TUBGCP4: variants seen among roughly 807,000 people sequenced by gnomAD.
TUBGCP4 encodes tubulin gamma complex component 4.
A neutral mutation model predicts 91.6 loss-of-function variants in TUBGCP4; 54 were observed. The observed-to-expected ratio is 0.59, with a 90% CI of 0.47 to 0.74. The LOEUF is 0.74. Ranked by LOEUF, TUBGCP4 falls within the 30% of genes least tolerant of loss-of-function variation. The pLI, the probability that TUBGCP4 is intolerant of heterozygous loss-of-function variation, is 0.00. For synonymous variants in TUBGCP4, 297 were observed against 302.8 expected (o/e 0.98, Z 0.20); for missense variants, 593 against 800.9 (o/e 0.74, Z 3.13).
chr15:43,409,729 A>C lies in TUBGCP4; in HGVS notation c.*4515A>C. The C allele has an allele frequency of 6.5e-7, 1 of 1,529,866 alleles. No homozygotes were observed. The allele number at this position is 1,529,866 out of a possible 1,614,324, so 94.8% of individuals were successfully genotyped here. A position where few individuals can be genotyped will look rare whatever the true frequency, so the allele number is the denominator to read the frequency against. On this transcript the variant is annotated 3_prime_UTR_variant, in exon 18 of 18. Coordinates refer to ENST00000564079, the MANE Select transcript of TUBGCP4 (RefSeq NM_014444.5). ...TGTATACTGCTTGTTGAAAGGAGGAATTTCCAAAAATTCTATATTAAAAAA... is the reference window on the plus strand; with the variant it reads ...TGTATACTGCTTGTTGAAAGGAGGACTTTCCAAAAATTCTATATTAAAAAA...
Position 43,407,394 on chromosome 15 carries a change from C to T in TUBGCP4, c.*2180C>T, listed in dbSNP as rs545814609. ...AAGACCAAGTATCTTTAGTGAGAAA[C>T]ATAATCGTGTTTATATTTTGGATGC... On this transcript the variant is annotated 3_prime_UTR_variant, in exon 18 of 18. Transcript: ENST00000564079. The T allele has an allele frequency of 1.2e-6, 2 of 1,614,034 alleles. No homozygotes were observed. The highest frequency in any genetic ancestry group is 3.3e-5 in the Admixed American group (2 of 60,016).
At chr15:43,387,574 G>A (rs550875464) in intron 9 of TUBGCP4, among the ~76,000 whole-genome samples, 10 of 151,558 alleles carry the variant, frequency 6.6e-5, no homozygotes, top group African/African-American at 1.9e-4. Context: ...CGATTCTCCC[G>A]CCTCAGCCTC....
intron 13 of TUBGCP4, chr15:43,399,222 CT>C: frequency 9.1e-7 from 1 of 1,100,694 alleles, no homozygotes; most frequent in Non-Finnish European, 1.2e-6. Context: ...TCCCGTGTGT[CT>C]TTTAAGTATG....
Position 43,380,096 on chromosome 15 carries a change from C to A in TUBGCP4, c.454C>A (p.Gln152Lys). Reference sequence around the variant, plus strand: ...GTATTTTCCACAGATTCATGGTTGTCAAATCCTGGAAACAGTCTACAAACA... The same window carrying A: ...GTATTTTCCACAGATTCATGGTTGTAAAATCCTGGAAACAGTCTACAAACA... Reference protein sequence around the residue: ...QIKSQKIHGCQILETVYKHSC... With the variant: ...QIKSQKIHGCKILETVYKHSC... Residue 152 changes from glutamine to lysine, a missense_variant, in exon 6 of 18, where the codon CAA becomes AAA. Physicochemically the swap from Gln to Lys is moderately conservative, Grantham distance 53. Transcript: ENST00000564079. 6.2e-7 allele frequency: 1 copy of A among 1,614,076 alleles called. No individual in the cohort carries two copies. Among genetic ancestry groups the A allele is most frequent in the South Asian group, 1.1e-5 (1 of 91,060 alleles).
rs892322762 is a variant in TUBGCP4, at chr15:43,406,598, C to G, written c.*1384C>G. 2.2e-6 allele frequency: 1 copy of G among 455,948 alleles called. No individual in the cohort carries two copies. The highest frequency in any genetic ancestry group is 1.5e-5 in the South Asian group (1 of 64,552). The allele number at this position is 455,948 out of a possible 1,614,324, so 28.2% of individuals were successfully genotyped here. ...GAAATATTTACTCTTTGACCCTTTA[C>G]AGAAAAAAACCTTGTTGACCCCTGC... On this transcript the variant is annotated 3_prime_UTR_variant, in exon 18 of 18. Coordinates refer to ENST00000564079, the MANE Select transcript of TUBGCP4 (RefSeq NM_014444.5).
chr15:43,395,242 G>A (rs975962389), intron 10 of TUBGCP4, 85 bp downstream of exon 10: 1 of 1,484,314 alleles, frequency 6.7e-7, no homozygotes, highest in Non-Finnish European at 9.4e-7. Context: ...AGCACTGGTT[G>A]CCTATACCCA....
intron 9 of TUBGCP4, chr15:43,391,489 C>T (rs1595490759): frequency 6.6e-6 from 1 of 152,330 alleles, no homozygotes; most frequent in African/African-American, 2.4e-5. Flanking sequence ...ATGTGAGCCA[C>T]AACACCTCAG....
In TUBGCP4 at chr15:43,408,110, A is replaced by C; in HGVS notation, c.*2896A>C. Reference sequence around the variant, plus strand: ...TTGCCTATGAAGGAGACAGGAAAGGACCTTAGCATGACAAGTAATATCCAA... The same window carrying C: ...TTGCCTATGAAGGAGACAGGAAAGGCCCTTAGCATGACAAGTAATATCCAA... On this transcript the variant is annotated 3_prime_UTR_variant, in exon 18 of 18. Transcript: ENST00000564079. 1 of 1,610,198 alleles carries C rather than the reference A, an allele frequency of 6.2e-7. No individual in the cohort carries two copies. The highest frequency in any genetic ancestry group is 8.5e-7 in the Non-Finnish European group (1 of 1,178,124).
intron 9 of TUBGCP4, among the ~76,000 whole-genome samples, chr15:43,393,619 C>T (rs1165570264): frequency 1.3e-5 from 2 of 151,986 alleles, no homozygotes; most frequent in Non-Finnish European, 2.9e-5. Context: ...ACAACAGTCC[C>T]CGGTGTGTGA....
At chr15:43,376,451 T>C (rs1330766708) in intron 2 of TUBGCP4, 52 bp from the exon 3 acceptor site, 1 of 1,614,156 alleles carries the variant, frequency 6.2e-7, no homozygotes, top group South Asian at 1.1e-5. Context: ...AATGTCTTTC[T>C]CAGGTTTCAG....
chr15:43,392,315 A>G (rs2044488175), intron 9 of TUBGCP4, among the ~76,000 whole-genome samples: 2 of 151,524 alleles, frequency 1.3e-5, no homozygotes, highest in South Asian at 4.1e-4. Context: ...TTTGGCATGT[A>G]GTGTTTTCAT....
intron 16 of TUBGCP4, chr15:43,404,158 T>C (rs1346960853): frequency 3.7e-6 from 2 of 539,782 alleles, no homozygotes; most frequent in South Asian, 2.7e-5. Context: ...ACCCCAGTAC[T>C]TGACAAAATA....
intron 9 of TUBGCP4, among the ~76,000 whole-genome samples, chr15:43,386,557 T>C (rs920953049): frequency 1.0e-4 from 15 of 147,760 alleles, no homozygotes; most frequent in African/African-American, 3.7e-4. Context: ...AAACCCCGTC[T>C]CTACTGAAAA....
chr15:43,371,834 G>C (rs1474505782), intron 1 of TUBGCP4, among the ~76,000 whole-genome samples: 2 of 152,180 alleles, frequency 1.3e-5, no homozygotes, highest in Non-Finnish European at 2.9e-5. Flanking sequence ...AGTAAAGTTT[G>C]TTGAAGGAAA....
Position 43,409,709 on chromosome 15 carries a change from A to AC in TUBGCP4, c.*4496dup. On this transcript the variant is annotated 3_prime_UTR_variant, in exon 18 of 18. Transcript: ENST00000564079. ...CCTGCTCGAAGCTGGGATTCTGTAT[A>AC]CTGCTTGTTGAAAGGAGGAATTTCC... 1 of 1,568,826 alleles carries AC rather than the reference A, an allele frequency of 6.4e-7. No individual in the cohort carries two copies. The highest frequency in any genetic ancestry group is 8.6e-7 in the Non-Finnish European group (1 of 1,159,908).
At position 43,409,600 on chromosome 15, in the gene TUBGCP4, G is replaced by T. The variant is rs766953482; in HGVS notation, c.*4386G>T. On this transcript the variant is annotated 3_prime_UTR_variant, in exon 18 of 18. Coordinates refer to ENST00000564079, the MANE Select transcript of TUBGCP4 (RefSeq NM_014444.5). Reference sequence around the variant, plus strand: ...GGCCTCTTCTCAACACAGCAAGTTGGCTCTTATCATTGCCACTATATTAGG... The same window carrying T: ...GGCCTCTTCTCAACACAGCAAGTTGTCTCTTATCATTGCCACTATATTAGG... 2.8e-6 allele frequency: 3 copies of T among 1,053,648 alleles called. No individual in the cohort carries two copies. Among genetic ancestry groups the T allele is most frequent in the South Asian group, 1.8e-5 (1 of 56,994 alleles). 65.3% of individuals were successfully genotyped at this position (1,053,648 alleles called of 1,614,324 possible).
At chr15:43,388,278 C>G (rs1333305673) in intron 9 of TUBGCP4, among the ~76,000 whole-genome samples, 1 of 152,162 alleles carries the variant, frequency 6.6e-6, no homozygotes, top group African/African-American at 2.4e-5. Flanking sequence ...CATCAAATCT[C>G]CATGGGTTAG....
At chr15:43,392,263 A>C (rs1193608720) in intron 9 of TUBGCP4, among the ~76,000 whole-genome samples, 2 of 151,700 alleles carry the variant, frequency 1.3e-5, no homozygotes, top group Non-Finnish European at 1.5e-5. Flanking sequence ...TGAGAAATAT[A>C]TATAAAACTT....
chr15:43,371,616 G>A (rs2044123844), intron 1 of TUBGCP4, among the ~76,000 whole-genome samples, 184 bp downstream of exon 1: 1 of 152,132 alleles, frequency 6.6e-6, no homozygotes, highest in African/African-American at 2.4e-5. Context: ...GAGAGGCCGG[G>A]CCTAGGCTAG....
Sources: allele counts gnomAD v4.1 joint callset (sites outside exome capture counted in the v4.1 genomes callset), GRCh38; gene constraint gnomAD v4.1.1; transcripts MANE v1.5; gene names NCBI Gene and HGNC (gene_info 2026-07-23, HGNC 2026-07-21).